P2RX1: variants seen among roughly 807,000 people sequenced by gnomAD.
The protein encoded by P2RX1 is purinergic receptor P2X 1.
P2RX1 carries 42 observed loss-of-function variants against 50.3 expected under a neutral mutation model. That is an observed-to-expected ratio of 0.83 (90% CI 0.65 to 1.08). The LOEUF is 1.08. Among genes scored for constraint, P2RX1 ranks in the 50% least tolerant of loss-of-function variants. The probability of loss-of-function intolerance (pLI) is 0.00; values close to 1 mark genes in which losing one functional copy is unlikely to be tolerated. For missense variants in P2RX1, 449 were observed against 529.0 expected (o/e 0.85, Z 1.48); for synonymous variants, 199 against 202.6 (o/e 0.98, Z 0.15).
Position 3,901,733 on chromosome 17 carries a change from G to A in P2RX1, c.747+1469C>T, listed in dbSNP as rs532985372. Among the ~76,000 whole-genome samples the A allele has an allele frequency of 8.0e-4, 122 of 152,320 alleles. 1 individual carries two copies. The highest frequency in any genetic ancestry group is 3.9e-3 in the South Asian group (19 of 4,832). On this transcript the variant is annotated intron_variant, in intron 7 of 11. Transcript: ENST00000225538. ...CAAGGGCAGGACTAATAAGGGACACGTGCTGCCAGGTGTACAGGCTTCCCA... is the reference window on the plus strand; with the variant it reads ...CAAGGGCAGGACTAATAAGGGACACATGCTGCCAGGTGTACAGGCTTCCCA...
intron 4 of P2RX1, 145 bp from the exon 5 acceptor site, chr17:3,904,169 AGC>A: frequency 9.8e-7 from 1 of 1,017,382 alleles, no homozygotes; most frequent in Non-Finnish European, 1.5e-6. Flanking sequence ...GGGCAGGCCA[AGC>A]CAGGGCGGAG....
intron 1 of P2RX1, 87 bp from the exon 2 acceptor site, chr17:3,905,454 C>G (rs1421083488): frequency 2.7e-6 from 4 of 1,466,636 alleles, no homozygotes; most frequent in African/African-American, 1.4e-5. Context: ...CCAGATGTGC[C>G]TCTGAGCCAC....
intron 1 of P2RX1, among the ~76,000 whole-genome samples, chr17:3,905,583 C>G (rs148552804): frequency 6.6e-6 from 1 of 152,172 alleles, no homozygotes; most frequent in South Asian, 2.1e-4. Flanking sequence ...TAATTCAGGA[C>G]GGGCGTGCCA....
intron 9 of P2RX1, 71 bp from the exon 10 acceptor site, chr17:3,898,620 G>C: frequency 1.7e-6 from 2 of 1,170,564 alleles, no homozygotes; most frequent in Non-Finnish European, 2.5e-6. Flanking sequence ...CCGGACCTGG[G>C]ACAAGGGGAC....
rs775290672 is a variant in P2RX1 at position 3,903,325 on chromosome 17, C to T, written c.624G>A (p.Glu208=). ...AGGTCTTCATGTGGGCAGCATTCAC[C>T]TCCTCCACCAGGTTGCGCCTGTGGG... ...FKVNRRNLVE[E]VNAAHMKTCL... is the part of the protein sequence containing the mutation. The change falls in exon 7 of 12, where the codon GAG becomes GAA. Residue 208 remains glutamate, a synonymous_variant. Coordinates refer to ENST00000225538, the MANE Select transcript of P2RX1 (RefSeq NM_002558.4). The surrounding 1 kb of genome is among the most constrained non-coding windows in gnomAD (Gnocchi z 4.6). 6.2e-7 allele frequency: 1 copy of T among 1,614,156 alleles called. No individual in the cohort carries two copies. Among genetic ancestry groups the T allele is most frequent in the African/African-American group, 1.3e-5 (1 of 75,052 alleles).
intron 1 of P2RX1, chr17:3,915,518 A>G (rs1338156537): frequency 2.2e-6 from 1 of 456,608 alleles, no homozygotes; most frequent in Non-Finnish European, 4.4e-6. Context: ...AGGAACTATC[A>G]TCCCTGGGAC....
rs771772665 is a variant in P2RX1 at position 3,903,391 on chromosome 17, G to T, written c.606-48C>A. 87 of 1,612,540 alleles carry T rather than the reference G, an allele frequency of 5.4e-5. No individual in the cohort carries two copies. The highest frequency in any genetic ancestry group is 7.0e-5 in the Non-Finnish European group (83 of 1,179,558). ...CAGCTGCTGTGTGTCATCCGGGAGG[G>T]TGCCCACCACGCCCCAAAGCCTGGG... On this transcript the variant is annotated intron_variant, in intron 6 of 11. Transcript: ENST00000225538. The surrounding 1 kb of genome is among the most constrained non-coding windows in gnomAD (Gnocchi z 4.6).
chr17:3,907,290 CGTGTGTGT>C (rs147411964), intron 1 of P2RX1, among the ~76,000 whole-genome samples: 38 of 134,432 alleles, frequency 2.8e-4, no homozygotes, highest in African/African-American at 7.9e-4. Context: ...TTCAGGGTAA[CGTGTGTGT>C]GTGTGTGTGT....
intron 8 of P2RX1, 37 bp downstream of exon 8, chr17:3,899,597 A>G (rs1218348630): frequency 3.1e-6 from 5 of 1,610,262 alleles, no homozygotes; most frequent in Middle Eastern, 1.7e-4. Context: ...CCGCAGGACC[A>G]CAAGGAAGAA....
chr17:3,915,270 C>T (rs1323628784), intron 1 of P2RX1: 1 of 360,392 alleles, frequency 2.8e-6, no homozygotes, highest in Non-Finnish European at 5.5e-6. Context: ...CACTTGGCCA[C>T]AGGGCAGACA....
chr17:3,910,320 A>T (rs1458372819), intron 1 of P2RX1, among the ~76,000 whole-genome samples: 1 of 152,112 alleles, frequency 6.6e-6, no homozygotes. Context: ...TACAGACAGA[A>T]ATTCAATTGG....
intron 1 of P2RX1, among the ~76,000 whole-genome samples, chr17:3,905,984 C>T (rs897476976): frequency 1.3e-5 from 2 of 152,210 alleles, no homozygotes; most frequent in African/African-American, 4.8e-5. Flanking sequence ...TTCCAGAGGT[C>T]CCAACAGAGC....
chr17:3,900,606 T>C (rs571333426), intron 7 of P2RX1, among the ~76,000 whole-genome samples: 5 of 152,332 alleles, frequency 3.3e-5, no homozygotes, highest in South Asian at 4.1e-4. Context: ...TGTTTATTTA[T>C]TTATTTATTT....
rs1340416582 is a variant in P2RX1 at position 3,903,057 on chromosome 17, CAG to C, written c.747+143_747+144del. Reference sequence around the variant, plus strand: ...CTGCTGAAGACATGGATCTGACGCTCAGGGGGCCCCAGTATCAGGGGACAGAC... The same window carrying C: ...CTGCTGAAGACATGGATCTGACGCTCGGGGCCCCAGTATCAGGGGACAGAC... On this transcript the variant is annotated intron_variant, in intron 7 of 11. Coordinates refer to ENST00000225538, the MANE Select transcript of P2RX1 (RefSeq NM_002558.4). The surrounding 1 kb of genome is among the most constrained non-coding windows in gnomAD (Gnocchi z 4.6). 33 of 1,103,272 alleles carry C rather than the reference CAG, an allele frequency of 3.0e-5. No homozygotes were observed. The highest frequency in any genetic ancestry group is 4.0e-5 in the Admixed American group (2 of 49,680). The allele number at this position is 1,103,272 out of a possible 1,614,324, so 68.3% of individuals were successfully genotyped here.
At chr17:3,904,550 T>C (rs1182983451) in intron 3 of P2RX1, 151 bp from the exon 4 acceptor site, 3 of 727,968 alleles carry the variant, frequency 4.1e-6, no homozygotes, top group Non-Finnish European at 7.0e-6. Context: ...CTTCCCCCAT[T>C]TCCCCCCACA....
In P2RX1 at chr17:3,897,616, G is replaced by A. The variant is rs973006706; in HGVS notation, c.*198C>T. On this transcript the variant is annotated 3_prime_UTR_variant, in exon 12 of 12. Transcript: ENST00000225538. ...TGAGGCTAGGGTAGGGCTCCCTCAG[G>A]GTGTGTGGGGTCGGAGCCGGAGCTC... The A allele has an allele frequency of 1.6e-6, 1 of 632,468 alleles. No homozygotes were observed. The highest frequency in any genetic ancestry group is 2.9e-6 in the Non-Finnish European group (1 of 348,860). 39.2% of individuals were successfully genotyped at this position (632,468 alleles called of 1,614,324 possible). A position where few individuals can be genotyped will look rare whatever the true frequency, so the allele number is the denominator to read the frequency against.
Position 3,916,202 on chromosome 17 carries a change from C to G in P2RX1, c.24G>C (p.Glu8Asp). The change falls in exon 1 of 12, where the codon GAG becomes GAC. Residue 8 changes from glutamate (E) to aspartate (D), a missense_variant. Transcript: ENST00000225538. MARRFQE[E>D]LAAFLFEYDT... is the part of the protein sequence containing the mutation. ...CATACTCGAAGAGGAAGGCGGCCAG[C>G]TCCTCCTGGAACCGCCGTGCCATGG... The G allele has an allele frequency of 6.2e-7, 1 of 1,612,802 alleles. No homozygotes were observed. Among genetic ancestry groups the G allele is most frequent in the Non-Finnish European group, 8.5e-7 (1 of 1,179,812 alleles).
intron 1 of P2RX1, 168 bp downstream of exon 1, chr17:3,915,921 A>G: frequency 1.2e-6 from 1 of 860,706 alleles, no homozygotes; most frequent in Non-Finnish European, 1.9e-6. Context: ...CCCCATCTCA[A>G]CAGCGAGTTG....
intron 7 of P2RX1, among the ~76,000 whole-genome samples, chr17:3,902,608 TG>T (rs1247516667): frequency 6.6e-6 from 1 of 150,458 alleles, no homozygotes; most frequent in Non-Finnish European, 1.5e-5. Flanking sequence ...TTTTTGTTTT[TG>T]TTTTTTTTTT....
Sources: allele counts gnomAD v4.1 joint callset (sites outside exome capture counted in the v4.1 genomes callset), GRCh38; gene constraint gnomAD v4.1.1; non-coding constraint Gnocchi (gnomAD v3.1); transcripts MANE v1.5; gene names NCBI Gene and HGNC (gene_info 2026-07-23, HGNC 2026-07-21).